Variants in KCNN2 observed in about 807,000 individuals in gnomAD.
The protein encoded by KCNN2 is potassium calcium-activated channel subfamily N member 2.
In KCNN2, 24 loss-of-function variants were observed where a neutral mutation model predicts 55.5. The observed-to-expected ratio is 0.43, with a 90% CI of 0.31 to 0.61. The LOEUF is 0.61. Ranked by LOEUF, KCNN2 falls within the 20% of genes least tolerant of loss-of-function variation. The pLI is 0.08. For synonymous variants in KCNN2, 431 were observed against 336.1 expected, an observed-to-expected ratio of 1.28 and a Z score of -3.09; for missense variants, 754 against 853.6, an observed-to-expected ratio of 0.88 and a Z score of 1.45.
chr5:114,493,548 T>A, intron 7 of KCNN2, 76 bp downstream of exon 7: 1 of 1,004,702 alleles, frequency 1.0e-6, no homozygotes. Flanking sequence ...TCATGAATGT[T>A]TCAAGAGGAT....
chr5:114,350,437 C>T (rs1347497060), intron 2 of KCNN2, among the ~76,000 whole-genome samples: 2 of 151,734 alleles, frequency 1.3e-5, no homozygotes, highest in East Asian at 3.9e-4. Context: ...TGATGGTATC[C>T]TTTGAAGCAC....
In KCNN2 at chr5:114,084,215, G is replaced by T. The variant is rs77288564; in HGVS notation, c.-271+27715G>T. 5.0e-3 allele frequency among the ~76,000 whole-genome samples: 767 copies of T among 152,080 alleles called. 7 individuals carry two copies. Among genetic ancestry groups the T allele is most frequent in the African/African-American group, 0.017 (717 of 41,518 alleles). On this transcript the variant is annotated intron_variant, in intron 1 of 10. Coordinates refer to the KCNN2 transcript ENST00000512097. ...ACATGTAGAAGCATGATTACTGTAT[G>T]GTATAGCATGACTATGTTTAGCTTT...
chr5:114,117,208 G>A (rs1311046829), intron 1 of KCNN2, among the ~76,000 whole-genome samples: 1 of 152,156 alleles, frequency 6.6e-6, no homozygotes, highest in African/African-American at 2.4e-5. Context: ...ATCCAGCTGG[G>A]AGTTTTCTAA....
In KCNN2 at chr5:114,241,757, TATATACGTATATATATAC is replaced by T. The variant is rs1561537055; in HGVS notation, c.-185+20198_-185+20215del. On this transcript the variant is annotated intron_variant, in intron 2 of 10. Coordinates refer to the KCNN2 transcript ENST00000512097. ...ACATATATACGTATATATATGTATA[TATATACGTATATATATAC>T]ATATATACGTATATATATGTATATA... 3.2e-4 allele frequency among the ~76,000 whole-genome samples: 7 copies of T among 21,852 alleles called. 2 individuals are homozygous for T. The highest frequency in any genetic ancestry group is 1.6e-3 in the African/African-American group (7 of 4,366). 14.3% of individuals were successfully genotyped at this position (21,852 alleles called of 152,430 possible). A position where few individuals can be genotyped will look rare whatever the true frequency, so the allele number is the denominator to read the frequency against.
chr5:114,140,030 C>G (rs544345824), intron 1 of KCNN2, among the ~76,000 whole-genome samples: 1 of 152,096 alleles, frequency 6.6e-6, no homozygotes, highest in South Asian at 2.1e-4. Context: ...TTCTCACCTA[C>G]TGTTTTTGTT....
At chr5:114,152,654 A>G (rs1221066640) in intron 1 of KCNN2, among the ~76,000 whole-genome samples, 1 of 152,180 alleles carries the variant, frequency 6.6e-6, no homozygotes, top group East Asian at 1.9e-4. Flanking sequence ...ACCCTGATAG[A>G]GAACACAGTC....
chr5:114,056,189 CG>C, exon 1 of KCNN2: 3 of 393,562 alleles, frequency 7.6e-6, no homozygotes, highest in Non-Finnish European at 1.3e-5. Flanking sequence ...GAGTGGGCAG[CG>C]GGGGCCTGGC....
chr5:114,359,461 CA>C (rs1422778306), upstream of KCNN2, among the ~76,000 whole-genome samples: 1 of 152,138 alleles, frequency 6.6e-6, no homozygotes, highest in African/African-American at 2.4e-5. Context: ...GCAAAAGATA[CA>C]TTTTTGCCTA....
At chr5:114,240,931 C>T (rs1754605414) in intron 2 of KCNN2, among the ~76,000 whole-genome samples, 1 of 152,014 alleles carries the variant, frequency 6.6e-6, no homozygotes. Context: ...GATTTATTAA[C>T]TCTCAGGCAG....
At chr5:114,112,602 G>C (rs1472448716) in intron 1 of KCNN2, among the ~76,000 whole-genome samples, 1 of 151,910 alleles carries the variant, frequency 6.6e-6, no homozygotes, top group African/African-American at 2.4e-5. Flanking sequence ...CTTTTTGGGC[G>C]ATTCTCTAGT....
intron 1 of KCNN2, among the ~76,000 whole-genome samples, chr5:114,197,179 G>A (rs747358109): frequency 1.3e-5 from 2 of 152,050 alleles, no homozygotes; most frequent in Non-Finnish European, 2.9e-5. Context: ...TAATTCTGAT[G>A]TGGTTTGATA....
chr5:114,170,232 C>T (rs981060706), intron 1 of KCNN2, among the ~76,000 whole-genome samples: 1 of 152,064 alleles, frequency 6.6e-6, no homozygotes, highest in Non-Finnish European at 1.5e-5. Flanking sequence ...ACATAATTAA[C>T]TTATATGTAA....
upstream of KCNN2, chr5:114,361,282 C>G: frequency 6.6e-6 from 1 of 152,332 alleles, no homozygotes; most frequent in East Asian, 1.9e-4. Context: ...GCCGGGGTGC[C>G]GAGGCGGTTA....
At chr5:114,159,668 C>A (rs1368905670) in intron 1 of KCNN2, among the ~76,000 whole-genome samples, 1 of 152,118 alleles carries the variant, frequency 6.6e-6, no homozygotes, top group African/African-American at 2.4e-5. Flanking sequence ...TTAATTATTG[C>A]CTTAATTTCA....
chr5:114,248,369 G>C (rs1301339906), intron 2 of KCNN2, among the ~76,000 whole-genome samples: 1 of 152,042 alleles, frequency 6.6e-6, no homozygotes, highest in Non-Finnish European at 1.5e-5. Flanking sequence ...GTTATTTGGG[G>C]GGAAGTTACA....
At chr5:114,467,572 T>C (rs1761515538) in intron 4 of KCNN2, among the ~76,000 whole-genome samples, 1 of 152,158 alleles carries the variant, frequency 6.6e-6, no homozygotes, top group African/African-American at 2.4e-5. Context: ...TTACATACAA[T>C]AGTTTCTATT....
intron 3 of KCNN2, among the ~76,000 whole-genome samples, chr5:114,405,556 A>C (rs1423123435): frequency 2.0e-5 from 3 of 152,226 alleles, no homozygotes; most frequent in Non-Finnish European, 4.4e-5. Flanking sequence ...AAGCAGGAAT[A>C]GTTGTCTCAT....
chr5:114,312,434 C>CACACACACATATATATATATATAT (rs1561566604), intron 2 of KCNN2, among the ~76,000 whole-genome samples: 1 of 23,454 alleles, frequency 4.3e-5, no homozygotes, highest in African/African-American at 1.5e-4. Context: ...CACACACACA[C>CACACACACATATATATATATATAT]ATATATATAT....
At chr5:114,093,748 T>G (rs536403066) in intron 1 of KCNN2, among the ~76,000 whole-genome samples, 235 of 152,286 alleles carry the variant, frequency 1.5e-3, no homozygotes, top group African/African-American at 5.4e-3. Context: ...GAGAACTCAC[T>G]TATTATCACA....
Sources: gnomAD v4.1 joint callset for allele counts (sites outside exome capture counted in the v4.1 genomes callset) on GRCh38, gnomAD v4.1.1 for gene constraint, MANE v1.5 for transcripts, NCBI Gene and HGNC (gene_info 2026-07-23, HGNC 2026-07-21) for gene names.